Variants in NSD3 observed in about 807,000 individuals in gnomAD.
NSD3 encodes histone-lysine N-methyltransferase NSD3.
Under a neutral mutation model 160.8 loss-of-function variants are expected in NSD3, and 24 were observed. That is an observed-to-expected ratio of 0.15 (90% CI 0.11 to 0.21). The LOEUF is 0.21. NSD3 is among the 10% of genes least tolerant of loss of function. NSD3 has a pLI of 1.00. For missense variants in NSD3, 1,157 were observed against 1,735.9 expected, an observed-to-expected ratio of 0.67 and a Z score of 5.93; for synonymous variants, 520 against 600.0, an observed-to-expected ratio of 0.87 and a Z score of 1.95.
chr8:38,301,086 C>G (rs1809264691), intron 14 of NSD3, among the ~76,000 whole-genome samples: 1 of 152,164 alleles, frequency 6.6e-6, no homozygotes, highest in African/African-American at 2.4e-5. Flanking sequence ...CCTACCACCT[C>G]AACCTCCCGA....
chr8:38,270,855 G>A lies in NSD3; in HGVS notation c.*4786C>T, dbSNP rs545949446. 6.6e-6 allele frequency: 1 copy of A among 152,214 alleles called. No homozygotes were observed. Among genetic ancestry groups the A allele is most frequent in the East Asian group, 1.9e-4 (1 of 5,184 alleles). 9.4% of individuals were successfully genotyped at this position (152,214 alleles called of 1,614,324 possible). ...GACAGGCAATTCTCATCCCCCTCCC[G>A]CTTCATACATACGTGCCACAAGCAC... On this transcript the variant is annotated 3_prime_UTR_variant, in exon 24 of 24. Coordinates refer to ENST00000317025, the MANE Select transcript of NSD3 (RefSeq NM_023034.2).
At chr8:38,277,741 T>C (rs772470954) in intron 22 of NSD3, among the ~76,000 whole-genome samples, 9 of 152,236 alleles carry the variant, frequency 5.9e-5, no homozygotes, top group African/African-American at 1.2e-4. Context: ...TAAAAAGTTT[T>C]AAATTAGCTT....
rs71517710 is a variant in NSD3 at position 38,373,285 on chromosome 8, C to T, written c.-45+8514G>A. On this transcript the variant is annotated intron_variant, in intron 1 of 23. Transcript: ENST00000317025. ...TCGCTCAGGCTGGAGTGCAGTGGCG[C>T]AATCTTGGCTCTCTACAACCTACGC... 2.9e-3 allele frequency among the ~76,000 whole-genome samples: 440 copies of T among 151,770 alleles called. 1 individual carries two copies. The highest frequency in any genetic ancestry group is 6.8e-3 in the Middle Eastern group (2 of 294).
Position 38,305,350 on chromosome 8 carries a change from G to A in NSD3, c.2338C>T (p.Arg780Cys), listed in dbSNP as rs201879366. 7.4e-5 allele frequency: 119 copies of A among 1,614,148 alleles called. No individual in the cohort carries two copies. In the South Asian group the frequency reaches 8.1e-4, roughly 11 times the overall value. ...CGKFYHEACV[R>C]KFPTAIFESK... Reference sequence around the variant, plus strand: ...TCAAAGATGGCAGTGGGGAATTTGCGGACACAGGCTTCATGATAAAATTTC... The same window carrying A: ...TCAAAGATGGCAGTGGGGAATTTGCAGACACAGGCTTCATGATAAAATTTC... The change falls in exon 13 of 24, where the codon CGC becomes TGC. Residue 780 changes from arginine to cysteine, a missense_variant. Physicochemically the swap from Arg to Cys is radical, Grantham distance 180 (BLOSUM62 -3). Transcript: ENST00000317025.
intron 15 of NSD3, among the ~76,000 whole-genome samples, chr8:38,298,530 C>CTGTGTGTGTG (rs143129228): frequency 8.3e-5 from 12 of 145,428 alleles, no homozygotes; most frequent in Admixed American, 3.5e-4. Flanking sequence ...AATACACCTA[C>CTGTGTGTGTG]TGTGTGTGTG....
chr8:38,328,486 G>C (rs1240306131), intron 6 of NSD3, among the ~76,000 whole-genome samples: 1 of 152,186 alleles, frequency 6.6e-6, no homozygotes, highest in African/African-American at 2.4e-5. Flanking sequence ...CTTAACTGAA[G>C]TCAGCTGAAC....
chr8:38,289,644 T>C, intron 17 of NSD3, 139 bp from the exon 18 acceptor site: 2 of 737,026 alleles, frequency 2.7e-6, no homozygotes, highest in Non-Finnish European at 4.4e-6. Context: ...TGGAAGTTAC[T>C]GTTTACCACC....
At chr8:38,378,363 C>G (rs1386862895) in intron 1 of NSD3, among the ~76,000 whole-genome samples, 2 of 152,038 alleles carry the variant, frequency 1.3e-5, no homozygotes, top group Non-Finnish European at 2.9e-5. Context: ...AAAAATTGGC[C>G]GGGCACGGTG....
Position 38,290,426 on chromosome 8 carries a change from T to A in NSD3, c.3118+49A>T, listed in dbSNP as rs1357328590. ...GGGAGGTGAGGAGATGTTGAGAAAC[T>A]GACACCGGAGTTGTAGTTTTGAGTC... On this transcript the variant is annotated intron_variant, in intron 17 of 23. Transcript: ENST00000317025. 4 of 1,591,070 alleles carry A rather than the reference T, an allele frequency of 2.5e-6. No homozygotes were observed. In the Admixed American group the frequency reaches 6.7e-5, roughly 27 times the overall value.
Position 38,329,702 on chromosome 8 carries a change from G to T in NSD3, c.1257C>A (p.Thr419=). 1.2e-6 allele frequency: 2 copies of T among 1,614,124 alleles called. No individual in the cohort carries two copies. Among genetic ancestry groups the T allele is most frequent in the South Asian group, 2.2e-5 (2 of 91,074 alleles). ...SVASKTEVKK[T]RRPRSVLNTQ... Reference sequence around the variant, plus strand: ...TATTCAGCACAGATCTTGGTCGTCGGGTTTTTTTAACTTCGGTTTTGGAGG... The same window carrying T: ...TATTCAGCACAGATCTTGGTCGTCGTGTTTTTTTAACTTCGGTTTTGGAGG... Residue 419 remains threonine (T), a synonymous_variant, in exon 6 of 24, where the codon ACC becomes ACA. Coordinates refer to ENST00000317025, the MANE Select transcript of NSD3 (RefSeq NM_023034.2). The surrounding 1 kb of genome is among the most constrained non-coding windows in gnomAD (Gnocchi z 4.8).
rs186742919 is a variant in NSD3 at position 38,306,758 on chromosome 8, A to C, written c.2243-1313T>G. Among the ~76,000 whole-genome samples, 121 of 152,312 alleles carry C rather than the reference A, an allele frequency of 7.9e-4. 1 individual carries two copies. The highest frequency in any genetic ancestry group is 4.7e-4 in the Non-Finnish European group (32 of 68,024). On this transcript the variant is annotated intron_variant, in intron 12 of 23. Coordinates refer to ENST00000317025, the MANE Select transcript of NSD3 (RefSeq NM_023034.2). ...TTACATAAAGACAAATAGGCAAAAG[A>C]AAATTAAAATGTGTTCATCTTCACT...
intron 1 of NSD3, among the ~76,000 whole-genome samples, chr8:38,356,032 C>G (rs552277413): frequency 1.4e-4 from 22 of 152,290 alleles, no homozygotes; most frequent in Non-Finnish European, 2.6e-4. Context: ...ACAACAGAAC[C>G]TCACTTCACC....
chr8:38,352,793 A>T (rs918599762), intron 1 of NSD3, among the ~76,000 whole-genome samples: 12 of 152,188 alleles, frequency 7.9e-5, no homozygotes, highest in African/African-American at 2.9e-4. Flanking sequence ...TTTTATAGAG[A>T]TGGAGTTTCA....
At chr8:38,376,991 C>T (rs72630620) in intron 1 of NSD3, among the ~76,000 whole-genome samples, 32,612 of 152,060 alleles carry the variant, frequency 0.21, 3,726 homozygotes, top group East Asian at 0.31. Flanking sequence ...GAAATACTTA[C>T]AAGACTCTTT....
intron 19 of NSD3, among the ~76,000 whole-genome samples, chr8:38,286,362 G>C (rs531482004): frequency 2.6e-5 from 4 of 152,174 alleles, no homozygotes; most frequent in African/African-American, 9.6e-5. Context: ...CCTATAGCTA[G>C]AGAACGGAGT....
intron 7 of NSD3, among the ~76,000 whole-genome samples, chr8:38,323,683 A>C (rs900891639): frequency 4.6e-5 from 7 of 151,786 alleles, no homozygotes; most frequent in Non-Finnish European, 4.4e-5. Flanking sequence ...TAAATTAGCC[A>C]AGCATGGTGG....
At chr8:38,281,872 C>T (rs1808740628) in intron 19 of NSD3, among the ~76,000 whole-genome samples, 1 of 152,134 alleles carries the variant, frequency 6.6e-6, no homozygotes, top group South Asian at 2.1e-4. Flanking sequence ...CTAACTCTAG[C>T]CTTTGAAGCT....
intron 1 of NSD3, among the ~76,000 whole-genome samples, chr8:38,365,193 C>T (rs185803793): frequency 2.0e-5 from 3 of 152,260 alleles, no homozygotes. Flanking sequence ...CTTGAATCAC[C>T]CACACCAACA....
chr8:38,324,000 CA>C (rs550278987), intron 7 of NSD3, among the ~76,000 whole-genome samples: 1 of 152,066 alleles, frequency 6.6e-6, no homozygotes, highest in Non-Finnish European at 1.5e-5. Context: ...CATTTAAATT[CA>C]GACAAATTAC....
Sources: allele counts gnomAD v4.1 joint callset (sites outside exome capture counted in the v4.1 genomes callset), GRCh38; gene constraint gnomAD v4.1.1; non-coding constraint Gnocchi (gnomAD v3.1); transcripts MANE v1.5; gene names NCBI Gene and HGNC (gene_info 2026-07-23, HGNC 2026-07-21).